The following GAB3 variants were observed in gnomAD, a reference collection of about 807,000 sequenced individuals.
The protein encoded by GAB3 is GRB2-associated-binding protein 3.
Under a neutral mutation model 40.4 loss-of-function variants are expected in GAB3, and 12 were observed. That is an observed-to-expected ratio of 0.30 (90% CI 0.19 to 0.48). The LOEUF is 0.48. Ranked by LOEUF, GAB3 falls within the 20% of genes least tolerant of loss-of-function variation. The pLI is 0.99. For missense variants in GAB3, 381 were observed against 461.9 expected, an observed-to-expected ratio of 0.82 and a Z score of 1.61; for synonymous variants, 154 against 176.7, an observed-to-expected ratio of 0.87 and a Z score of 1.02.
At chrX:154,700,309 T>C (rs1317992575) in intron 4 of GAB3, among the ~76,000 whole-genome samples, 2 of 111,999 alleles carry the variant, frequency 1.8e-5, no homozygotes, top group Admixed American at 9.5e-5. Flanking sequence ...ATTTATTACA[T>C]AAATCTTCTG....
intron 4 of GAB3, among the ~76,000 whole-genome samples, chrX:154,706,290 C>T (rs782797844): frequency 2.8e-5 from 3 of 109,081 alleles, no homozygotes; most frequent in Non-Finnish European, 3.8e-5. Context: ...GTGGGGCATG[C>T]GTGTAATCCC....
intron 1 of GAB3, among the ~76,000 whole-genome samples, chrX:154,740,610 G>A (rs782756658): frequency 1.8e-5 from 2 of 111,001 alleles, no homozygotes; most frequent in East Asian, 2.8e-4. Context: ...CCCTTCCCAC[G>A]GTATATAGGA....
At chrX:154,708,665 G>A (rs187742837) in intron 4 of GAB3, among the ~76,000 whole-genome samples, 19 of 111,777 alleles carry the variant, frequency 1.7e-4, no homozygotes, top group Middle Eastern at 4.6e-3. Flanking sequence ...ACAAGGTATC[G>A]GCCCACACCT....
chrX:154,707,589 G>A (rs1242487141), intron 4 of GAB3, among the ~76,000 whole-genome samples: 1 of 111,804 alleles, frequency 8.9e-6, no homozygotes, highest in East Asian at 2.8e-4. Context: ...ATATTCCACA[G>A]CAAACCACAT....
upstream of GAB3, chrX:154,751,397 G>C (rs2071617057): frequency 3.1e-6 from 1 of 318,789 alleles, no homozygotes; most frequent in Non-Finnish European, 4.1e-6. Context: ...GCACAGCCTG[G>C]AACCTGTTGC....
intron 4 of GAB3, among the ~76,000 whole-genome samples, chrX:154,701,614 C>T (rs931025384): frequency 3.6e-5 from 4 of 112,006 alleles, no homozygotes; most frequent in Non-Finnish European, 7.5e-5. Flanking sequence ...TGGGAAAAAC[C>T]TAAACACTAC....
chrX:154,687,502 C>T (rs1263184864), intron 8 of GAB3, among the ~76,000 whole-genome samples: 3 of 108,603 alleles, frequency 2.8e-5, no homozygotes, highest in East Asian at 5.8e-4. Context: ...GGTGTGGTGG[C>T]GGGCGCCTGT....
chrX:154,727,112 C>T (rs1267598686), intron 1 of GAB3, among the ~76,000 whole-genome samples: 3 of 112,540 alleles, frequency 2.7e-5, no homozygotes, highest in Admixed American at 1.9e-4. Context: ...AAAACCCAAA[C>T]TCTTTCACAT....
At chrX:154,722,982 G>A (rs909652782) in intron 1 of GAB3, among the ~76,000 whole-genome samples, 3 of 111,157 alleles carry the variant, frequency 2.7e-5, no homozygotes, top group East Asian at 2.8e-4. Context: ...AGTTTCAAGC[G>A]ATTCTCCTGC....
chrX:154,700,160 G>A (rs2070719794), intron 4 of GAB3, 101 bp from the exon 5 acceptor site: 1 of 623,327 alleles, frequency 1.6e-6, no homozygotes, highest in Non-Finnish European at 2.6e-6. Context: ...TGCTATTAGA[G>A]TCTAGCTGGG....
At chrX:154,679,107 T>A (rs1557246230) in intron 9 of GAB3, 3 of 329,140 alleles carry the variant, frequency 9.1e-6, no homozygotes, top group Non-Finnish European at 1.8e-5. Context: ...CAGTGAGCTA[T>A]GACCATGCCA....
chrX:154,709,680 T>G (rs782743230), intron 4 of GAB3, among the ~76,000 whole-genome samples: 3 of 110,330 alleles, frequency 2.7e-5, no homozygotes, highest in Non-Finnish European at 5.7e-5. Flanking sequence ...AGTCAATTTG[T>G]GTCCATCACT....
intron 7 of GAB3, chrX:154,696,223 G>C (rs2070654431): frequency 3.6e-6 from 1 of 279,432 alleles, no homozygotes; most frequent in South Asian, 1.2e-4. Context: ...ATTCACAAAG[G>C]CTGCTTTTTC....
At chrX:154,696,515 G>A (rs781841396) in intron 7 of GAB3, among the ~76,000 whole-genome samples, 1 of 111,142 alleles carries the variant, frequency 9.0e-6, no homozygotes, top group African/African-American at 3.3e-5. Flanking sequence ...ATTGTGTTTT[G>A]TGGCATTTAG....
chrX:154,746,992 G>T (rs1362832612), intron 1 of GAB3, among the ~76,000 whole-genome samples: 2 of 112,513 alleles, frequency 1.8e-5, no homozygotes, highest in African/African-American at 6.5e-5. Context: ...TCCAGAAATA[G>T]ATCTACATGG....
At chrX:154,704,244 C>T (rs1305363560) in intron 4 of GAB3, among the ~76,000 whole-genome samples, 1 of 100,945 alleles carries the variant, frequency 9.9e-6, no homozygotes, top group Non-Finnish European at 2.0e-5. Flanking sequence ...TTGCCAGAGG[C>T]TGGGAAAGGT....
intron 1 of GAB3, among the ~76,000 whole-genome samples, chrX:154,718,458 T>A (rs1276390130): frequency 6.3e-5 from 7 of 111,429 alleles, no homozygotes; most frequent in African/African-American, 2.0e-4. Flanking sequence ...ATTAAGTCCA[T>A]GTTTTTAAGA....
upstream of GAB3, chrX:154,751,164 G>A (rs1344775026): frequency 2.6e-4 from 132 of 509,565 alleles, no homozygotes; most frequent in Non-Finnish European, 3.1e-4. Flanking sequence ...CCCCGCCTCC[G>A]GCCGCCGCGG....
chrX:154,675,492 A>G lies in GAB3; in HGVS notation c.*2686T>C, dbSNP rs2070283515. On this transcript the variant is annotated 3_prime_UTR_variant, in exon 10 of 10. Transcript: ENST00000424127. ...TCTTTATAGCCAGGCTGTGTGCTGG[A>G]CATCAAGGCTCTTCCCTCCCCAAGG... The G allele has an allele frequency of 1.8e-5, 2 of 111,524 alleles. No individual in the cohort carries two copies. The highest frequency in any genetic ancestry group is 1.9e-4 in the Admixed American group (2 of 10,524). 9.2% of individuals were successfully genotyped at this position (111,524 alleles called of 1,213,427 possible). A position where few individuals can be genotyped will look rare whatever the true frequency, so the allele number is the denominator to read the frequency against.
Sources: gnomAD v4.1 joint callset for allele counts (sites outside exome capture counted in the v4.1 genomes callset) on GRCh38, gnomAD v4.1.1 for gene constraint, MANE v1.5 for transcripts, NCBI Gene and HGNC (gene_info 2026-07-23, HGNC 2026-07-21) for gene names.